Variants in DSTYK observed in about 807,000 individuals in gnomAD.
DSTYK encodes the protein dual serine/threonine and tyrosine protein kinase, also known as RIP-homologous kinase.
A neutral mutation model predicts 98.7 loss-of-function variants in DSTYK; 34 were observed. That is an observed-to-expected ratio of 0.34 (90% CI 0.26 to 0.46). DSTYK has a LOEUF of 0.46. Ranked by LOEUF, DSTYK falls within the 20% of genes least tolerant of loss-of-function variation. The pLI is 1.00. For synonymous variants in DSTYK, 462 were observed against 457.3 expected (o/e 1.01, Z -0.13); for missense variants, 962 against 1,181.7 (o/e 0.81, Z 2.73).
Position 205,161,392 on chromosome 1 carries a change from G to C in DSTYK, c.1819-5C>G. The C allele has an allele frequency of 1.2e-6, 2 of 1,613,962 alleles. No individual in the cohort carries two copies. Among genetic ancestry groups the C allele is most frequent in the Non-Finnish European group, 8.5e-7 (1 of 1,179,940 alleles). On this transcript the variant is annotated splice_region_variant and splice_polypyrimidine_tract_variant and intron_variant, in intron 6 of 12. Transcript: ENST00000367162. ...GCCTGAGTGGCCAGCTTCCAGCTGG[G>C]AGAGAAACAGAAAAAGTACATATGA...
In DSTYK at chr1:205,147,390, T is replaced by C; in HGVS notation, c.*168A>G. On this transcript the variant is annotated 3_prime_UTR_variant, in exon 13 of 13. Transcript: ENST00000367162. ...TGCTGAATATGCTCAGTCATTCAAC[T>C]CTTCACTGTCCAGGAGTCATCCCTG... The C allele has an allele frequency of 1.7e-6, 1 of 584,490 alleles. No individual in the cohort carries two copies. Among genetic ancestry groups the C allele is most frequent in the Non-Finnish European group, 2.8e-6 (1 of 351,954 alleles). The allele number at this position is 584,490 out of a possible 1,614,324, so 36.2% of individuals were successfully genotyped here.
intron 1 of DSTYK, among the ~76,000 whole-genome samples, chr1:205,201,369 T>C (rs1304307962): frequency 1.4e-5 from 2 of 139,624 alleles, no homozygotes; most frequent in East Asian, 2.1e-4. Context: ...AAACCTACTA[T>C]GTACACACAA....
At position 205,200,216 on chromosome 1, in the gene DSTYK, T is replaced by C. The variant is rs565435807; in HGVS notation, c.265+11055A>G. 2.0e-5 allele frequency among the ~76,000 whole-genome samples: 3 copies of C among 152,220 alleles called. No individual in the cohort carries two copies. The East Asian group carries it at 5.8e-4, about 29-fold the overall frequency. Reference sequence around the variant, plus strand: ...CGCGACCAGATGATTTTTTGTATTTTTAGTAGGGACAAGGTTTCACCATGT... The same window carrying C: ...CGCGACCAGATGATTTTTTGTATTTCTAGTAGGGACAAGGTTTCACCATGT... On this transcript the variant is annotated intron_variant, in intron 1 of 12. Transcript: ENST00000367162.
rs992044177 is a variant in DSTYK at position 205,143,793 on chromosome 1, A to G, written c.*3765T>C. ...GACACAAGAATGCATTTGAGAGCTG[A>G]CAGGTACTAGTCGAGAGTTCTATGA... On this transcript the variant is annotated 3_prime_UTR_variant, in exon 13 of 13. Transcript: ENST00000367162. The G allele has an allele frequency of 2.0e-5, 3 of 152,590 alleles. No homozygotes were observed. Among genetic ancestry groups the G allele is most frequent in the African/African-American group, 7.2e-5 (3 of 41,452 alleles). 9.5% of individuals were successfully genotyped at this position (152,590 alleles called of 1,614,324 possible). A position where few individuals can be genotyped will look rare whatever the true frequency, so the allele number is the denominator to read the frequency against.
At chr1:205,185,803 C>T (rs1658544703) in intron 2 of DSTYK, among the ~76,000 whole-genome samples, 1 of 152,084 alleles carries the variant, frequency 6.6e-6, no homozygotes. Flanking sequence ...GTGGGTGGAT[C>T]ACTGAGGTAA....
At chr1:205,161,531 C>A in intron 6 of DSTYK, 144 bp from the exon 7 acceptor site, 4 of 884,988 alleles carry the variant, frequency 4.5e-6, no homozygotes, top group African/African-American at 1.7e-5. Flanking sequence ...AGCACAGAGA[C>A]TGGCACAGAG....
intron 12 of DSTYK, 135 bp from the exon 13 acceptor site, chr1:205,147,880 A>C: frequency 2.3e-6 from 2 of 865,634 alleles, no homozygotes; most frequent in Non-Finnish European, 3.6e-6. Context: ...CTTCGATTGC[A>C]AACATCTAGG....
intron 1 of DSTYK, among the ~76,000 whole-genome samples, chr1:205,209,919 G>A: frequency 6.9e-6 from 1 of 144,992 alleles, no homozygotes; most frequent in South Asian, 2.2e-4. Context: ...TATTATTATT[G>A]AGACAGAGTC....
At chr1:205,167,227 T>A (rs1357144191) in intron 3 of DSTYK, among the ~76,000 whole-genome samples, 5 of 151,752 alleles carry the variant, frequency 3.3e-5, no homozygotes, top group Admixed American at 3.3e-4. Flanking sequence ...GTGAAACCCC[T>A]GTCTCTAAAA....
chr1:205,204,416 C>T (rs1241399848), intron 1 of DSTYK, among the ~76,000 whole-genome samples: 5 of 151,262 alleles, frequency 3.3e-5, no homozygotes, highest in East Asian at 3.9e-4. Flanking sequence ...CATTCTTCTG[C>T]GAACCCCATG....
Position 205,187,628 on chromosome 1 carries a change from A to C in DSTYK, c.444T>G (p.Cys148Trp). ...PTTKLGSEESCKLRRLRFTYG... is the reference protein window; with the variant it reads ...PTTKLGSEESWKLRRLRFTYG... ...AGGTGAAGCGGAGGCGCCGAAGCTT[A>C]CAGCTCTCCTCACTGCCCAGCTTGG... The change falls in exon 2 of 13, where the codon TGT (cysteine) becomes TGG (tryptophan). Residue 148 changes from cysteine to tryptophan, a missense_variant. Cys to Trp is a radical substitution (Grantham distance 215, BLOSUM62 -2). Transcript: ENST00000367162. The C allele has an allele frequency of 6.2e-7, 1 of 1,614,228 alleles. No individual in the cohort carries two copies. Among genetic ancestry groups the C allele is most frequent in the Middle Eastern group, 1.6e-4 (1 of 6,062 alleles).
intron 1 of DSTYK, chr1:205,202,237 A>T (rs1558627061): frequency 1.7e-6 from 1 of 591,812 alleles, no homozygotes; most frequent in Non-Finnish European, 3.3e-6. Flanking sequence ...AAATCATGCA[A>T]ATCAAGAGGT....
chr1:205,167,331 T>C (rs979826729), intron 3 of DSTYK, among the ~76,000 whole-genome samples: 4 of 152,036 alleles, frequency 2.6e-5, no homozygotes, highest in Admixed American at 6.6e-5. Flanking sequence ...GCCCAGGAGA[T>C]TGGGGCTGCA....
intron 11 of DSTYK, among the ~76,000 whole-genome samples, chr1:205,149,201 G>A (rs1039307557): frequency 3.3e-5 from 5 of 151,474 alleles, no homozygotes; most frequent in African/African-American, 1.2e-4. Flanking sequence ...GCACCTGGCC[G>A]AAAGTTTTTT....
At chr1:205,198,285 T>C (rs1248067589) in intron 1 of DSTYK, among the ~76,000 whole-genome samples, 1 of 152,214 alleles carries the variant, frequency 6.6e-6, no homozygotes, top group African/African-American at 2.4e-5. Context: ...TGTTTATTAG[T>C]GGTAGAGACT....
chr1:205,154,618 G>C (rs1231277564), intron 10 of DSTYK, among the ~76,000 whole-genome samples: 1 of 152,158 alleles, frequency 6.6e-6, no homozygotes. Context: ...ACAGTAAATT[G>C]TACCAAGAGT....
At position 205,169,596 on chromosome 1, in the gene DSTYK, C is replaced by G. The variant is rs1438044369; in HGVS notation, c.891G>C (p.Glu297Asp). ...EIIDSSTRRM[E>D]SERSPLYRQL... ...GGCGATAAAGCGGTGATCTTTCGCT[C>G]TCCATTCTCCTGGTTGAGGAGTCTA... is the stretch of plus-strand genomic sequence containing the variant. The change falls in exon 3 of 13, where the codon GAG (glutamate) becomes GAC (aspartate). Residue 297 changes from glutamate to aspartate, a missense_variant. Coordinates refer to ENST00000367162, the MANE Select transcript of DSTYK (RefSeq NM_015375.3). The surrounding 1 kb of genome is among the most constrained non-coding windows in gnomAD (Gnocchi z 4.0). 6.2e-6 allele frequency: 10 copies of G among 1,614,182 alleles called. No homozygotes were observed. Among genetic ancestry groups the G allele is most frequent in the Non-Finnish European group, 8.5e-6 (10 of 1,180,012 alleles).
chr1:205,174,922 A>C (rs1658184661), intron 2 of DSTYK, among the ~76,000 whole-genome samples: 1 of 150,368 alleles, frequency 6.7e-6, no homozygotes, highest in South Asian at 2.1e-4. Flanking sequence ...TTTTTAGTAG[A>C]GATGGGGTTT....
chr1:205,202,350 C>T, intron 1 of DSTYK: 2 of 716,350 alleles, frequency 2.8e-6, no homozygotes, highest in South Asian at 2.7e-5. Flanking sequence ...TACCACTTTA[C>T]AGAAACAGCA....
Sources: allele counts gnomAD v4.1 joint callset (sites outside exome capture counted in the v4.1 genomes callset), GRCh38; gene constraint gnomAD v4.1.1; non-coding constraint Gnocchi (gnomAD v3.1); transcripts MANE v1.5; gene names NCBI Gene and HGNC (gene_info 2026-07-23, HGNC 2026-07-21).